The following ANAPC4 variants were observed in gnomAD, a reference collection of about 807,000 sequenced individuals.
ANAPC4 encodes the protein anaphase promoting complex subunit 4, also known as anaphase-promoting complex subunit 4.
In ANAPC4, 63 loss-of-function variants were observed where a neutral mutation model predicts 119.8. That is an observed-to-expected ratio of 0.53 (90% confidence interval 0.43 to 0.65). The LOEUF (loss-of-function observed/expected upper bound fraction) is 0.65. Among genes scored for constraint, ANAPC4 ranks in the 30% least tolerant of loss-of-function variants. ANAPC4 has a pLI of 0.00. For synonymous variants in ANAPC4, 283 were observed against 318.6 expected, an observed-to-expected ratio of 0.89 and a Z score of 1.19; for missense variants, 716 against 945.1, an observed-to-expected ratio of 0.76 and a Z score of 3.18.
In ANAPC4 at chr4:25,383,219, A is replaced by G. The variant is rs77497792; in HGVS notation, c.236-42A>G. ...GGGAAATACCCATTTATTTTTCTCA[A>G]TTGTTACACTAATTTATTCTGATTG... On this transcript the variant is annotated intron_variant, in intron 3 of 28. Transcript: ENST00000315368. 2,462 of 1,516,982 alleles carry G rather than the reference A, an allele frequency of 1.6e-3. 14 individuals are homozygous for G. In the African/African-American group the frequency reaches 0.017, roughly 11 times the overall value. 94.0% of individuals were successfully genotyped at this position (1,516,982 alleles called of 1,614,324 possible). A position where few individuals can be genotyped will look rare whatever the true frequency, so the allele number is the denominator to read the frequency against.
rs1477300236 is a variant in ANAPC4, at chr4:25,406,808, TTTTG to T, written c.1318-18_1318-15del. The T allele has an allele frequency of 1.9e-6, 3 of 1,573,114 alleles. No individual in the cohort carries two copies. The highest frequency in any genetic ancestry group is 2.7e-5 in the African/African-American group (2 of 73,308). On this transcript the variant is annotated splice_polypyrimidine_tract_variant and intron_variant, in intron 18 of 28. Coordinates refer to ENST00000315368, the MANE Select transcript of ANAPC4 (RefSeq NM_013367.3). The stretch of plus-strand genomic sequence containing the variant: ...AGCTTTCTTTTATCTTGATTTTTCT[TTTTG>T]TTCCTTTTGTTGATAGATGACTCAG...
intron 4 of ANAPC4, 137 bp from the exon 5 acceptor site, chr4:25,388,363 A>C: frequency 1.6e-6 from 1 of 612,684 alleles, no homozygotes; most frequent in Non-Finnish European, 2.9e-6. Flanking sequence ...ACTGACTACA[A>C]CTGTATAGTA....
At chr4:25,404,057 C>T (rs1425119527) in intron 17 of ANAPC4, among the ~76,000 whole-genome samples, 1 of 152,180 alleles carries the variant, frequency 6.6e-6, no homozygotes, top group East Asian at 1.9e-4. Context: ...TTATCTCACA[C>T]TTGTTGAAAC....
rs1192268195 is a variant in ANAPC4, at chr4:25,394,920, T to C, written c.1061+15T>C. On this transcript the variant is annotated intron_variant, in intron 14 of 28. Transcript: ENST00000315368. ...CATTTACAGAGGTATGAAGGTGACG[T>C]AGAATTTTTTGGTATTGTATCCACA... 5 of 1,603,218 alleles carry C rather than the reference T, an allele frequency of 3.1e-6. No individual in the cohort carries two copies. Among genetic ancestry groups the C allele is most frequent in the South Asian group, 2.2e-5 (2 of 89,084 alleles).
chr4:25,394,773 C>T (rs1366546687), intron 13 of ANAPC4, 56 bp from the exon 14 acceptor site: 119 of 1,568,778 alleles, frequency 7.6e-5, no homozygotes, highest in South Asian at 9.4e-5. Context: ...TTTTTTTTTT[C>T]GAGTGGCATA....
At chr4:25,407,892 C>T (rs1295317345) in intron 20 of ANAPC4, among the ~76,000 whole-genome samples, 1 of 151,448 alleles carries the variant, frequency 6.6e-6, no homozygotes, top group Non-Finnish European at 1.5e-5. Flanking sequence ...GAGACTCAGT[C>T]TCAAAAGAAA....
rs1722673280 is a variant in ANAPC4 at position 25,396,733 on chromosome 4, A to G, written c.1131A>G (p.Glu377=). The change falls in exon 15 of 29, where the codon GAA becomes GAG. Residue 377 remains glutamate, a synonymous_variant. Coordinates refer to ENST00000315368, the MANE Select transcript of ANAPC4 (RefSeq NM_013367.3). ...KGMASWKQKY[E]PLGLDAAGIE... is the part of the protein sequence containing the mutation. ...TGGCTTCATGGAAGCAAAAATATGA[A>G]CCTCTTGGACTAGATGCTGCAGGAA... 1 of 1,613,650 alleles carries G rather than the reference A, an allele frequency of 6.2e-7. No homozygotes were observed. Among genetic ancestry groups the G allele is most frequent in the South Asian group, 1.1e-5 (1 of 91,046 alleles).
Position 25,417,653 on chromosome 4 carries a change from A to G in ANAPC4, c.2113A>G (p.Met705Val). Residue 705 changes from methionine (M) to valine (V), a missense_variant, in exon 28 of 29, where the codon ATG (methionine) becomes GTG (valine). Physicochemically the swap from Met to Val is conservative, Grantham distance 21. This residue lies in a region of ANAPC4 where 504 missense variants were observed against 615.8 expected (regional missense o/e 0.82). Coordinates refer to ENST00000315368, the MANE Select transcript of ANAPC4 (RefSeq NM_013367.3). Reference protein sequence around the residue: ...EQCSAIPTRTMHFEKHWRLLE... With the variant: ...EQCSAIPTRTVHFEKHWRLLE... ...GTGTAGTGCTATTCCCACCCGTACCATGCATTTTGAGAAGCACTGGAGATT... is the reference window on the plus strand; with the variant it reads ...GTGTAGTGCTATTCCCACCCGTACCGTGCATTTTGAGAAGCACTGGAGATT... 1.9e-6 allele frequency: 3 copies of G among 1,613,510 alleles called. No individual in the cohort carries two copies. Among genetic ancestry groups the G allele is most frequent in the Non-Finnish European group, 2.5e-6 (3 of 1,179,744 alleles).
chr4:25,398,921 G>A (rs1324138912), intron 16 of ANAPC4, among the ~76,000 whole-genome samples: 1 of 151,336 alleles, frequency 6.6e-6, no homozygotes, highest in Non-Finnish European at 1.5e-5. Flanking sequence ...TGTGAGGGCA[G>A]GTTTAGGGAG....
At chr4:25,413,849 TG>T in intron 22 of ANAPC4, 107 bp downstream of exon 22, 6 of 891,424 alleles carry the variant, frequency 6.7e-6, no homozygotes, top group Non-Finnish European at 8.6e-6. Flanking sequence ...ATGAAAATGT[TG>T]ATAGTCAACT....
chr4:25,395,607 G>A (rs940117764), intron 14 of ANAPC4, among the ~76,000 whole-genome samples: 2 of 151,934 alleles, frequency 1.3e-5, no homozygotes, highest in Admixed American at 6.6e-5. Flanking sequence ...AAACCACTAC[G>A]CCTGGCTAAT....
intron 14 of ANAPC4, among the ~76,000 whole-genome samples, chr4:25,396,059 T>C (rs1722631461): frequency 1.3e-5 from 2 of 152,238 alleles, no homozygotes; most frequent in African/African-American, 4.8e-5. Context: ...TGCATATTCC[T>C]CTTGTCCCAA....
Position 25,406,892 on chromosome 4 carries a change from AGTT to A in ANAPC4, c.1374+9_1374+11del. On this transcript the variant is annotated splice_region_variant and intron_variant, in intron 19 of 28. Coordinates refer to ENST00000315368, the MANE Select transcript of ANAPC4 (RefSeq NM_013367.3). The stretch of plus-strand genomic sequence containing the variant: ...TACTGAACATTTCAATGAGGTAAGA[AGTT>A]GATATTTCTGTAATGCAGTTTAAAA... The A allele has an allele frequency of 1.3e-6, 2 of 1,589,114 alleles. No homozygotes were observed. Among genetic ancestry groups the A allele is most frequent in the Non-Finnish European group, 1.7e-6 (2 of 1,166,680 alleles).
At position 25,406,811 on chromosome 4, in the gene ANAPC4, T is replaced by C; in HGVS notation, c.1318-18T>C. The C allele has an allele frequency of 1.0e-5, 16 of 1,578,658 alleles. No homozygotes were observed. The highest frequency in any genetic ancestry group is 1.4e-5 in the Non-Finnish European group (16 of 1,161,268). On this transcript the variant is annotated intron_variant, in intron 18 of 28. Transcript: ENST00000315368. The stretch of plus-strand genomic sequence containing the variant: ...TTTCTTTTATCTTGATTTTTCTTTT[T>C]GTTCCTTTTGTTGATAGATGACTCA...
At chr4:25,399,315 G>A (rs1285231243) in intron 16 of ANAPC4, among the ~76,000 whole-genome samples, 2 of 152,110 alleles carry the variant, frequency 1.3e-5, no homozygotes, top group African/African-American at 2.4e-5. Flanking sequence ...AGTATGATAA[G>A]ATGCAGTTCG....
At chr4:25,402,688 C>T (rs1367003413) in intron 16 of ANAPC4, among the ~76,000 whole-genome samples, 39 of 152,152 alleles carry the variant, frequency 2.6e-4, no homozygotes, top group Admixed American at 2.5e-3. Flanking sequence ...TCATGCTTTA[C>T]TGAGTCATAA....
chr4:25,392,737 C>T (rs751389877), intron 10 of ANAPC4, among the ~76,000 whole-genome samples: 2 of 152,172 alleles, frequency 1.3e-5, no homozygotes, highest in Non-Finnish European at 2.9e-5. Flanking sequence ...AATAAACCCA[C>T]CCCAAATTAC....
intron 5 of ANAPC4, 22 bp from the exon 6 acceptor site, chr4:25,388,695 C>T: frequency 5.0e-6 from 8 of 1,595,696 alleles, no homozygotes; most frequent in Non-Finnish European, 6.8e-6. Context: ...TATTTTTTAC[C>T]TTAATCTCTG....
chr4:25,403,060 C>T, intron 17 of ANAPC4, 34 bp downstream of exon 17: 1 of 1,509,070 alleles, frequency 6.6e-7, no homozygotes, highest in Non-Finnish European at 9.1e-7. Flanking sequence ...TTTATTTTAA[C>T]ACTTTAAAAA....
Sources: allele counts gnomAD v4.1 joint callset (sites outside exome capture counted in the v4.1 genomes callset), GRCh38; gene constraint gnomAD v4.1.1; regional missense constraint gnomAD v4.1.1; transcripts MANE v1.5; gene names NCBI Gene and HGNC (gene_info 2026-07-23, HGNC 2026-07-21).